ZFAND3: variants seen among roughly 807,000 people sequenced by gnomAD.
The protein encoded by ZFAND3 is zinc finger AN1-type containing 3.
A neutral mutation model predicts 29.6 loss-of-function variants in ZFAND3; 10 were observed. The observed-to-expected ratio is 0.34, with a 90% CI of 0.21 to 0.57. The LOEUF is 0.57. Among genes scored for constraint, ZFAND3 ranks in the 20% least tolerant of loss-of-function variants. The pLI, the probability that ZFAND3 is intolerant of heterozygous loss-of-function variation, is 0.86. For synonymous variants in ZFAND3, 128 were observed against 112.6 expected (o/e 1.14, Z -0.87); for missense variants, 230 against 304.5 (o/e 0.76, Z 1.82).
intron 2 of ZFAND3, among the ~76,000 whole-genome samples, chr6:38,054,398 T>TAAA (rs201113788): frequency 0.016 from 2,020 of 124,080 alleles, 28 homozygotes; most frequent in Non-Finnish European, 0.026. Context: ...TGTCTCAAAT[T>TAAA]AAAAAAAAAA....
At chr6:37,865,039 A>G (rs991343314) in intron 1 of ZFAND3, among the ~76,000 whole-genome samples, 6 of 152,144 alleles carry the variant, frequency 3.9e-5, no homozygotes, top group Non-Finnish European at 5.9e-5. Context: ...ATAGCTGGGC[A>G]TGGTGGCGGG....
chr6:37,899,420 G>A (rs1361777506), intron 1 of ZFAND3, among the ~76,000 whole-genome samples: 1 of 152,026 alleles, frequency 6.6e-6, no homozygotes, highest in Non-Finnish European at 1.5e-5. Flanking sequence ...ATTATTGTTA[G>A]CCTTTAACAA....
intron 4 of ZFAND3, among the ~76,000 whole-genome samples, chr6:38,098,331 G>C (rs77145211): frequency 0.03 from 4,501 of 152,218 alleles, 173 homozygotes; most frequent in African/African-American, 0.085. Context: ...ATTTTTAGTA[G>C]AGACAGGGTT....
chr6:37,831,936 CAG>C (rs1763869528), intron 1 of ZFAND3, among the ~76,000 whole-genome samples: 1 of 152,106 alleles, frequency 6.6e-6, no homozygotes, highest in African/African-American at 2.4e-5. Flanking sequence ...GCATGGATAA[CAG>C]ATGATATTTA....
chr6:38,123,731 C>G (rs1414744108), intron 5 of ZFAND3, among the ~76,000 whole-genome samples: 1 of 151,998 alleles, frequency 6.6e-6, no homozygotes, highest in African/African-American at 2.4e-5. Flanking sequence ...GTGAGTGTTA[C>G]GGTTCTTAAA....
chr6:37,880,715 A>G (rs1764876805), intron 1 of ZFAND3, among the ~76,000 whole-genome samples: 1 of 151,940 alleles, frequency 6.6e-6, no homozygotes, highest in Non-Finnish European at 1.5e-5. Context: ...TATAGTTCTG[A>G]ATCACAAATG....
At chr6:38,011,238 T>C (rs1166063439) in intron 2 of ZFAND3, among the ~76,000 whole-genome samples, 1 of 152,218 alleles carries the variant, frequency 6.6e-6, no homozygotes, top group Non-Finnish European at 1.5e-5. Flanking sequence ...TATTGGAGTA[T>C]TTTAAGTTTC....
chr6:37,934,247 A>G (rs1240714847), intron 2 of ZFAND3, among the ~76,000 whole-genome samples: 1 of 151,068 alleles, frequency 6.6e-6, no homozygotes, highest in Non-Finnish European at 1.5e-5. Context: ...CAGTGGTGCC[A>G]TCTCAGCTCA....
chr6:37,945,991 C>T (rs1037836826), intron 2 of ZFAND3, among the ~76,000 whole-genome samples: 1 of 152,170 alleles, frequency 6.6e-6, no homozygotes, highest in Non-Finnish European at 1.5e-5. Flanking sequence ...CAACCCCACC[C>T]TAACATCAGA....
intron 2 of ZFAND3, among the ~76,000 whole-genome samples, chr6:38,020,385 T>TA (rs901416553): frequency 6.6e-6 from 1 of 152,080 alleles, no homozygotes; most frequent in African/African-American, 2.4e-5. Context: ...ACTTGGTGGT[T>TA]AAAAAAAAAA....
At chr6:38,036,124 A>G (rs1441833467) in intron 2 of ZFAND3, among the ~76,000 whole-genome samples, 1 of 152,226 alleles carries the variant, frequency 6.6e-6, no homozygotes, top group Non-Finnish European at 1.5e-5. Context: ...ATTCCCTGAA[A>G]TGTGATAGCA....
At chr6:38,071,166 CT>C (rs1261317310) in intron 3 of ZFAND3, among the ~76,000 whole-genome samples, 1 of 151,498 alleles carries the variant, frequency 6.6e-6, no homozygotes, top group Non-Finnish European at 1.5e-5. Context: ...TTGCCAGTTT[CT>C]TTTGGTATGT....
At chr6:38,073,800 A>C (rs1165944799) in intron 3 of ZFAND3, among the ~76,000 whole-genome samples, 3 of 152,216 alleles carry the variant, frequency 2.0e-5, no homozygotes, top group African/African-American at 7.2e-5. Context: ...CTAAAATTGA[A>C]CATATTTAAC....
rs981430029 is a variant in ZFAND3, at chr6:37,956,039, T to G, written c.112+26040T>G. Among the ~76,000 whole-genome samples, 10 of 152,120 alleles carry G rather than the reference T, an allele frequency of 6.6e-5. No homozygotes were observed. In the East Asian group the frequency reaches 1.9e-3, roughly 29 times the overall value. On this transcript the variant is annotated intron_variant, in intron 2 of 5. Transcript: ENST00000287218. Reference sequence around the variant, plus strand: ...GTTTTGGACGCAGCTTGAGATAATTTGGGAAGTGCATATGCTGTGTAGGGT... The same window carrying G: ...GTTTTGGACGCAGCTTGAGATAATTGGGGAAGTGCATATGCTGTGTAGGGT...
At chr6:37,958,251 C>T (rs544324935) in intron 2 of ZFAND3, among the ~76,000 whole-genome samples, 9 of 152,192 alleles carry the variant, frequency 5.9e-5, no homozygotes, top group African/African-American at 2.4e-5. Context: ...GTCAGGAGTT[C>T]GAGACCAGCC....
At chr6:37,997,697 G>C (rs1332870565) in intron 2 of ZFAND3, among the ~76,000 whole-genome samples, 2 of 152,192 alleles carry the variant, frequency 1.3e-5, no homozygotes, top group Non-Finnish European at 2.9e-5. Flanking sequence ...AGAGGGCCAT[G>C]ACCACTGTTT....
chr6:37,850,361 T>C (rs763470962), intron 1 of ZFAND3, among the ~76,000 whole-genome samples: 6 of 152,192 alleles, frequency 3.9e-5, no homozygotes, highest in Non-Finnish European at 7.3e-5. Flanking sequence ...TTCTGCTGTT[T>C]ACTTTGTGCC....
Position 38,152,496 on chromosome 6 carries a change from G to A in ZFAND3, c.*107G>A. The A allele has an allele frequency of 5.8e-6, 8 of 1,382,464 alleles. No homozygotes were observed. Among genetic ancestry groups the A allele is most frequent in the Non-Finnish European group, 7.5e-6 (8 of 1,066,596 alleles). The allele number at this position is 1,382,464 out of a possible 1,614,324, so 85.6% of individuals were successfully genotyped here. ...TGTACTGGGCACGCGTCAGACTGCA[G>A]CCAGTCCGTTTCCTTTCTTTAGCCA... On this transcript the variant is annotated 3_prime_UTR_variant, in exon 6 of 6. Coordinates refer to ENST00000287218, the MANE Select transcript of ZFAND3 (RefSeq NM_021943.3).
intron 1 of ZFAND3, among the ~76,000 whole-genome samples, chr6:37,920,256 C>T (rs1017009975): frequency 3.3e-5 from 5 of 151,548 alleles, no homozygotes; most frequent in African/African-American, 9.7e-5. Flanking sequence ...AGTTGATAGC[C>T]TCATTAAGTT....
Sources: allele counts gnomAD v4.1 joint callset (sites outside exome capture counted in the v4.1 genomes callset), GRCh38; gene constraint gnomAD v4.1.1; transcripts MANE v1.5; gene names NCBI Gene and HGNC (gene_info 2026-07-23, HGNC 2026-07-21).